GAN: variants seen among roughly 807,000 people sequenced by gnomAD.
GAN encodes epididymis secretory sperm binding protein.
In GAN, 48 loss-of-function variants were observed where a neutral mutation model predicts 71.3. The observed-to-expected ratio is 0.67, with a 90% CI of 0.53 to 0.86. GAN has a LOEUF of 0.86. Ranked by LOEUF, GAN falls within the 40% of genes least tolerant of loss-of-function variation. GAN has a pLI of 0.00. For synonymous variants in GAN, 386 were observed against 276.8 expected, an observed-to-expected ratio of 1.39 and a Z score of -3.92; for missense variants, 928 against 770.1, an observed-to-expected ratio of 1.21 and a Z score of -2.43.
chr16:81,387,622 C>G lies in GAN; in HGVS notation c.*10026C>G, dbSNP rs955335318. The G allele has an allele frequency of 6.6e-6, 1 of 152,310 alleles. No homozygotes were observed. Among genetic ancestry groups the G allele is most frequent in the South Asian group, 2.1e-4 (1 of 4,820 alleles). 9.4% of individuals were successfully genotyped at this position (152,310 alleles called of 1,614,324 possible). ...CTTGAGGTCAGGAGTTCAAGACTAGCCTGGCCAACATGGTGAAACCCCGTC... is the reference window on the plus strand; with the variant it reads ...CTTGAGGTCAGGAGTTCAAGACTAGGCTGGCCAACATGGTGAAACCCCGTC... On this transcript the variant is annotated 3_prime_UTR_variant, in exon 11 of 11. Coordinates refer to ENST00000648994, the MANE Select transcript of GAN (RefSeq NM_022041.4).
chr16:81,351,551 A>C (rs370616133), intron 1 of GAN, 32 bp from the exon 2 acceptor site: 6 of 878,650 alleles, frequency 6.8e-6, no homozygotes, highest in African/African-American at 3.3e-5. Context: ...CTGTTCTTTC[A>C]TAGAAATTTT....
intron 8 of GAN, 32 bp downstream of exon 8, chr16:81,365,142 C>G: frequency 1.2e-6 from 2 of 1,609,490 alleles, no homozygotes; most frequent in Non-Finnish European, 1.7e-6. Context: ...TTTGTAGATT[C>G]CCTTGCTGTT....
rs533783111 is a variant in GAN, at chr16:81,384,048, A to T, written c.*6452A>T. The T allele has an allele frequency of 6.6e-6, 1 of 152,286 alleles. No homozygotes were observed. Among genetic ancestry groups the T allele is most frequent in the South Asian group, 2.1e-4 (1 of 4,824 alleles). The allele number at this position is 152,286 out of a possible 1,614,324, so 9.4% of individuals were successfully genotyped here. A position where few individuals can be genotyped will look rare whatever the true frequency, so the allele number is the denominator to read the frequency against. On this transcript the variant is annotated 3_prime_UTR_variant, in exon 11 of 11. Transcript: ENST00000648994. ...AGTTATACCAGTCAACTTGGTTTAA[A>T]TACAACTGTACTAACTTGCTTTATC... is the stretch of plus-strand genomic sequence containing the variant.
intron 1 of GAN, among the ~76,000 whole-genome samples, chr16:81,328,974 C>T (rs1909480829): frequency 1.3e-5 from 2 of 152,052 alleles, no homozygotes; most frequent in African/African-American, 2.4e-5. Flanking sequence ...AATTTGTCAC[C>T]GTTTCATCTA....
intron 9 of GAN, among the ~76,000 whole-genome samples, chr16:81,365,995 A>G (rs1910845450): frequency 6.6e-6 from 1 of 152,140 alleles, no homozygotes; most frequent in South Asian, 2.1e-4. Flanking sequence ...TTTCCCCTGC[A>G]AACATGTGTG....
At chr16:81,371,468 C>T (rs1009498858) in intron 9 of GAN, among the ~76,000 whole-genome samples, 4 of 152,142 alleles carry the variant, frequency 2.6e-5, no homozygotes, top group African/African-American at 9.7e-5. Flanking sequence ...GAGTTTTAGT[C>T]AGCAATTGAC....
At chr16:81,355,378 G>A (rs201727825) in intron 3 of GAN, among the ~76,000 whole-genome samples, 2 of 152,218 alleles carry the variant, frequency 1.3e-5, no homozygotes, top group African/African-American at 4.8e-5. Context: ...TGAGGGGGCA[G>A]AGAGTCTCAG....
At chr16:81,334,830 A>G (rs1441222968) in intron 1 of GAN, among the ~76,000 whole-genome samples, 3 of 152,208 alleles carry the variant, frequency 2.0e-5, no homozygotes, top group Admixed American at 2.0e-4. Context: ...CCAACATCGC[A>G]ATATTAAAAT....
chr16:81,331,750 T>C (rs978321440), intron 1 of GAN, among the ~76,000 whole-genome samples: 2 of 152,110 alleles, frequency 1.3e-5, no homozygotes, highest in African/African-American at 4.8e-5. Context: ...ATAGAGCAAA[T>C]CTCTAAATTT....
intron 1 of GAN, among the ~76,000 whole-genome samples, chr16:81,324,935 T>C (rs564110200): frequency 6.6e-6 from 1 of 152,270 alleles, no homozygotes; most frequent in South Asian, 2.1e-4. Context: ...TGGGCCAGGT[T>C]TGGCAGTGGA....
chr16:81,358,175 A>G (rs1397140079), intron 5 of GAN, among the ~76,000 whole-genome samples: 1 of 152,226 alleles, frequency 6.6e-6, no homozygotes, highest in African/African-American at 2.4e-5. Flanking sequence ...TTACTTGATG[A>G]CTTAATGTCA....
At chr16:81,315,335 G>C (rs922902820) in intron 1 of GAN, 55 bp downstream of exon 1, 4 of 1,273,492 alleles carry the variant, frequency 3.1e-6, no homozygotes, top group African/African-American at 1.6e-5. Context: ...AGCCGGAGGC[G>C]GGGCGGCCGG....
chr16:81,353,690 T>C (rs1910383578), intron 2 of GAN, among the ~76,000 whole-genome samples: 2 of 152,172 alleles, frequency 1.3e-5, no homozygotes, highest in African/African-American at 4.8e-5. Flanking sequence ...TTTAGAGAAC[T>C]GTTTCTTTCC....
At chr16:81,359,951 A>C (rs1020568261) in intron 5 of GAN, among the ~76,000 whole-genome samples, 1 of 152,256 alleles carries the variant, frequency 6.6e-6, no homozygotes, top group Non-Finnish European at 1.5e-5. Context: ...ATAAAACCAC[A>C]GAAACCAAAA....
At chr16:81,363,392 G>A (rs1394039020) in intron 6 of GAN, among the ~76,000 whole-genome samples, 2 of 152,202 alleles carry the variant, frequency 1.3e-5, no homozygotes, top group Admixed American at 6.5e-5. Context: ...GGAAGAGTGG[G>A]CTGTTAGGGA....
rs1006920510 is a variant in GAN, at chr16:81,378,240, T to A, written c.*644T>A. 1 of 155,802 alleles carries A rather than the reference T, an allele frequency of 6.4e-6. No homozygotes were observed. Among genetic ancestry groups the A allele is most frequent in the African/African-American group, 2.4e-5 (1 of 41,464 alleles). The allele number at this position is 155,802 out of a possible 1,614,324, so 9.7% of individuals were successfully genotyped here. On this transcript the variant is annotated 3_prime_UTR_variant, in exon 11 of 11. Transcript: ENST00000648994. ...TAACTTTATCTTAGTAATGTAAAGA[T>A]TCAGTAAATTGATGAGTCAGGTTGC... is the stretch of plus-strand genomic sequence containing the variant.
chr16:81,328,949 C>G (rs186377701), intron 1 of GAN, among the ~76,000 whole-genome samples: 5 of 152,280 alleles, frequency 3.3e-5, no homozygotes, highest in Admixed American at 3.3e-4. Flanking sequence ...CGTGGCTAAA[C>G]AGGCAGCAGG....
chr16:81,377,426 G>A lies in GAN; in HGVS notation c.1624G>A (p.Asp542Asn), dbSNP rs747972511. ...TTTCTGTGGCTTAGGTACCAATTAC[G>A]ACTACGTGCGTGAGTTTAAAAGAAG... ...IGDLDTGTNY[D>N]YVREFKRSTG... The change falls in exon 11 of 11, where the codon GAC becomes AAC. Residue 542 changes from aspartate (D) to asparagine (N), a missense_variant. Coordinates refer to ENST00000648994, the MANE Select transcript of GAN (RefSeq NM_022041.4). 7.4e-6 allele frequency: 12 copies of A among 1,613,884 alleles called. No individual in the cohort carries two copies. Among genetic ancestry groups the A allele is most frequent in the Middle Eastern group, 1.6e-4 (1 of 6,062 alleles).
intron 2 of GAN, 82 bp from the exon 3 acceptor site, chr16:81,354,323 C>G: frequency 1.2e-6 from 1 of 855,888 alleles, no homozygotes; most frequent in Non-Finnish European, 2.0e-6. Context: ...ATGGAAATTT[C>G]ATGTGGCCCC....
Sources: allele counts gnomAD v4.1 joint callset (sites outside exome capture counted in the v4.1 genomes callset), GRCh38; gene constraint gnomAD v4.1.1; transcripts MANE v1.5; gene names NCBI Gene and HGNC (gene_info 2026-07-23, HGNC 2026-07-21).